ALAS2: variants seen among roughly 807,000 people sequenced by gnomAD.
ALAS2 encodes 5-aminolevulinate synthase, erythroid-specific, mitochondrial.
Under a neutral mutation model 33.7 loss-of-function variants are expected in ALAS2, and 3 were observed. That is an observed-to-expected ratio of 0.09 (90% CI 0.04 to 0.23). ALAS2 has a LOEUF of 0.23. Among genes scored for constraint, ALAS2 ranks in the 10% least tolerant of loss-of-function variants. The pLI, the probability that ALAS2 is intolerant of heterozygous loss-of-function variation, is 1.00. For synonymous variants in ALAS2, 191 were observed against 177.3 expected (o/e 1.08, Z -0.61); for missense variants, 304 against 475.1 (o/e 0.64, Z 3.35).
At chrX:55,016,073 T>C (rs1935700819) in intron 7 of ALAS2, among the ~76,000 whole-genome samples, 1 of 108,707 alleles carries the variant, frequency 9.2e-6, no homozygotes, top group African/African-American at 3.4e-5. Flanking sequence ...TCTTTGTCTT[T>C]CTGTTTTTAC....
At chrX:55,014,593 T>C (rs1935667342) in intron 9 of ALAS2, among the ~76,000 whole-genome samples, 154 bp downstream of exon 9, 1 of 112,662 alleles carries the variant, frequency 8.9e-6, no homozygotes, top group African/African-American at 3.2e-5. Flanking sequence ...GAATGGCTGA[T>C]AATTTTTCAA....
At chrX:55,014,662 A>G in intron 9 of ALAS2, 85 bp downstream of exon 9, 1 of 1,010,746 alleles carries the variant, frequency 9.9e-7, no homozygotes, top group Non-Finnish European at 1.3e-6. Context: ...ATAATTGAAG[A>G]CAGCAACAGA....
At position 55,017,678 on chromosome X, in the gene ALAS2, A is replaced by G; in HGVS notation, c.824-13T>C. 8.3e-7 allele frequency: 1 copy of G among 1,209,259 alleles called. No individual in the cohort carries two copies. The highest frequency in any genetic ancestry group is 1.1e-6 in the Non-Finnish European group (1 of 893,356). On this transcript the variant is annotated splice_polypyrimidine_tract_variant and intron_variant, in intron 6 of 10. Coordinates refer to ENST00000650242, the MANE Select transcript of ALAS2 (RefSeq NM_000032.5). Reference sequence around the variant, plus strand: ...TAAATCTCGCACCCTGAGGAAGCAGATGTATAATCCTTAAGCTTCTGTCCC... The same window carrying G: ...TAAATCTCGCACCCTGAGGAAGCAGGTGTATAATCCTTAAGCTTCTGTCCC...
At chrX:55,019,146 G>A (rs1195746298) in intron 6 of ALAS2, among the ~76,000 whole-genome samples, 1 of 111,055 alleles carries the variant, frequency 9.0e-6, no homozygotes, top group Non-Finnish European at 1.9e-5. Flanking sequence ...GTGATCAGGG[G>A]TTGAGGCAAT....
At chrX:55,013,432 G>A in intron 10 of ALAS2, 54 bp downstream of exon 10, 1 of 1,141,157 alleles carries the variant, frequency 8.8e-7, no homozygotes, top group Non-Finnish European at 1.2e-6. Flanking sequence ...TTCTCTTTCA[G>A]ATCCTGGGGC....
At chrX:55,020,535 AAAAG>A (rs1935786447) in intron 5 of ALAS2, 31 bp from the exon 6 acceptor site, 2 of 1,155,649 alleles carry the variant, frequency 1.7e-6, no homozygotes, top group Middle Eastern at 3.2e-4. Flanking sequence ...GAAAAGGAGA[AAAAG>A]AAACTCTTGT....
chrX:55,014,841 C>T lies in ALAS2; in HGVS notation c.1343G>A (p.Arg448Gln). ...GTGCTTGACATTGCGCTGGTGGGCT[C>T]GCCTCAGGGCTTGGCCCTCCTCTCC... Reference protein sequence around the residue: ...LKGEEGQALRRAHQRNVKHMR... With the variant: ...LKGEEGQALRQAHQRNVKHMR... Residue 448 changes from arginine (R) to glutamine (Q), a missense_variant, in exon 9 of 11, where the codon CGA (arginine) becomes CAA (glutamine). Transcript: ENST00000650242. 8.3e-7 allele frequency: 1 copy of T among 1,204,742 alleles called. No individual in the cohort carries two copies. The highest frequency in any genetic ancestry group is 1.1e-6 in the Non-Finnish European group (1 of 892,021).
intron 4 of ALAS2, among the ~76,000 whole-genome samples, chrX:55,022,112 A>G (rs1242951608): frequency 8.9e-6 from 1 of 111,788 alleles, no homozygotes; most frequent in East Asian, 2.8e-4. Context: ...GGGTAACTTT[A>G]TTTCTAGGAT....
rs755899312 is a variant in ALAS2, at chrX:55,009,228, A to G, written c.1716T>C (p.Arg572=). 2 of 1,206,205 alleles carry G rather than the reference A, an allele frequency of 1.7e-6. No individual in the cohort carries two copies. The highest frequency in any genetic ancestry group is 2.2e-6 in the Non-Finnish European group (2 of 893,628). ...GGGGCCCCATGTTCCCGAAGTAGGA[A>G]CGTTCCCACTCACTCATGAGCTCAA... is the stretch of plus-strand genomic sequence containing the variant. ...VHFELMSEWE[R]SYFGNMGPQY... The change falls in exon 11 of 11, where the codon CGT becomes CGC. Residue 572 remains arginine (R), a synonymous_variant. Transcript: ENST00000650242.
At chrX:55,010,783 A>C (rs1217204659) in intron 10 of ALAS2, among the ~76,000 whole-genome samples, 1 of 111,225 alleles carries the variant, frequency 9.0e-6, no homozygotes, top group East Asian at 2.8e-4. Flanking sequence ...GTGCTACTTA[A>C]TTTGCTTATT....
At position 55,010,801 on chromosome X, in the gene ALAS2, AT is replaced by A. The variant is rs1277210485; in HGVS notation, c.1601-1459del. ...CTACTTAATTTGCTTATTTTTGGTA[AT>A]TTTTTTTACTACCCCTTCCACTAGA... On this transcript the variant is annotated intron_variant, in intron 10 of 10. Coordinates refer to ENST00000650242, the MANE Select transcript of ALAS2 (RefSeq NM_000032.5). Among the ~76,000 whole-genome samples the A allele has an allele frequency of 2.7e-5, 3 of 111,086 alleles. No homozygotes were observed. In the Admixed American group the frequency reaches 2.9e-4, roughly 11 times the overall value.
intron 10 of ALAS2, 109 bp downstream of exon 10, chrX:55,013,377 G>A (rs139063195): frequency 3.1e-4 from 269 of 855,850 alleles, no homozygotes; most frequent in Non-Finnish European, 4.0e-4. Flanking sequence ...CACATTAGAT[G>A]TTCCAGAAAT....
Position 55,017,678 on chromosome X carries a change from A to T in ALAS2, c.824-13T>A. On this transcript the variant is annotated splice_polypyrimidine_tract_variant and intron_variant, in intron 6 of 10. Transcript: ENST00000650242. ...TAAATCTCGCACCCTGAGGAAGCAG[A>T]TGTATAATCCTTAAGCTTCTGTCCC... 1 of 1,209,259 alleles carries T rather than the reference A, an allele frequency of 8.3e-7. No individual in the cohort carries two copies. Among genetic ancestry groups the T allele is most frequent in the Non-Finnish European group, 1.1e-6 (1 of 893,356 alleles).
chrX:55,027,757 A>G (rs1473741418), intron 1 of ALAS2: 2 of 1,210,986 alleles, frequency 1.7e-6, no homozygotes, highest in South Asian at 1.8e-5. Flanking sequence ...GTACCTCACA[A>G]AACAACCTCT....
At chrX:55,023,127 C>G (rs567407337) in intron 4 of ALAS2, among the ~76,000 whole-genome samples, 2 of 109,385 alleles carry the variant, frequency 1.8e-5, no homozygotes, top group Non-Finnish European at 3.8e-5. Context: ...AACAGCATAA[C>G]GAACTCCAGG....
In ALAS2 at chrX:55,009,360, G is replaced by A. The variant is rs1242354456; in HGVS notation, c.1601-17C>T. The A allele has an allele frequency of 1.7e-6, 2 of 1,187,225 alleles. No individual in the cohort carries two copies. Among genetic ancestry groups the A allele is most frequent in the Admixed American group, 4.7e-5 (2 of 42,437 alleles). On this transcript the variant is annotated splice_polypyrimidine_tract_variant and intron_variant, in intron 10 of 10. Coordinates refer to ENST00000650242, the MANE Select transcript of ALAS2 (RefSeq NM_000032.5). The stretch of plus-strand genomic sequence containing the variant: ...GCAGCTTCTCTGAAGGTGGTAGGGG[G>A]AGGGGAGGGAAAAAATGGGTTAGAC...
chrX:55,012,536 C>T (rs1191547918), intron 10 of ALAS2, among the ~76,000 whole-genome samples: 1 of 112,737 alleles, frequency 8.9e-6, no homozygotes, highest in Non-Finnish European at 1.9e-5. Context: ...CGCCTGTAAT[C>T]CCAGCACTTT....
chrX:55,017,362 G>T (rs1935719714), intron 7 of ALAS2, 124 bp downstream of exon 7: 2 of 636,319 alleles, frequency 3.1e-6, no homozygotes, highest in Admixed American at 2.4e-5. Context: ...TAATAATTTT[G>T]CTTGGCACAT....
rs189657739 is a variant in ALAS2, at chrX:55,013,472, T to A, written c.1600+14A>T. ...GGGAGGGAGGTCCTGTAGGCACCCA[T>A]GTTGAGAACTTACCCACAAAATCTT... is the stretch of plus-strand genomic sequence containing the variant. On this transcript the variant is annotated intron_variant, in intron 10 of 10. Coordinates refer to ENST00000650242, the MANE Select transcript of ALAS2 (RefSeq NM_000032.5). 2.5e-6 allele frequency: 3 copies of A among 1,201,589 alleles called. No individual in the cohort carries two copies. Among genetic ancestry groups the A allele is most frequent in the Non-Finnish European group, 3.4e-6 (3 of 889,607 alleles).
Sources: gnomAD v4.1 joint callset for allele counts (sites outside exome capture counted in the v4.1 genomes callset) on GRCh38, gnomAD v4.1.1 for gene constraint, MANE v1.5 for transcripts, NCBI Gene and HGNC (gene_info 2026-07-23, HGNC 2026-07-21) for gene names.